EZH1: variants seen among roughly 807,000 people sequenced by gnomAD.
EZH1 encodes the protein histone-lysine N-methyltransferase EZH1.
A neutral mutation model predicts 100.5 loss-of-function variants in EZH1; 33 were observed. That is an observed-to-expected ratio of 0.33 (90% CI 0.25 to 0.44). The LOEUF is 0.44. EZH1 is among the 20% of genes least tolerant of loss of function. The pLI is 1.00. For synonymous variants in EZH1, 272 were observed against 313.8 expected, an observed-to-expected ratio of 0.87 and a Z score of 1.41; for missense variants, 475 against 928.4, an observed-to-expected ratio of 0.51 and a Z score of 6.35.
Position 42,708,762 on chromosome 17 carries a change from G to A in EZH1, c.1534+114C>T, listed in dbSNP as rs180779513. 133 of 1,125,490 alleles carry A rather than the reference G, an allele frequency of 1.2e-4. No homozygotes were observed. The East Asian group carries it at 2.5e-3, about 21-fold the overall frequency. The allele number at this position is 1,125,490 out of a possible 1,614,324, so 69.7% of individuals were successfully genotyped here. On this transcript the variant is annotated intron_variant, in intron 14 of 20. Transcript: ENST00000428826. The stretch of plus-strand genomic sequence containing the variant: ...GTTCTCAGTTGCTGCAGAGAATTCT[G>A]CAATCTGCGGAAGTGGCACAGGGTC...
chr17:42,724,173 C>T, intron 5 of EZH1, 132 bp downstream of exon 5: 1 of 1,009,574 alleles, frequency 9.9e-7, no homozygotes, highest in Non-Finnish European at 1.4e-6. Flanking sequence ...AAGTAAATTA[C>T]AACCTTGTTC....
intron 6 of EZH1, among the ~76,000 whole-genome samples, chr17:42,721,848 A>G (rs2143801870): frequency 6.6e-6 from 1 of 152,080 alleles, no homozygotes; most frequent in South Asian, 2.1e-4. Context: ...CATCTCTACA[A>G]AAAATTTTAA....
At chr17:42,707,301 C>T (rs2053376836) in intron 15 of EZH1, among the ~76,000 whole-genome samples, 1 of 151,990 alleles carries the variant, frequency 6.6e-6, no homozygotes, top group Non-Finnish European at 1.5e-5. Context: ...TGCTCTGTTG[C>T]CCAGGCTGGA....
chr17:42,709,625 T>A lies in EZH1; in HGVS notation c.1493+221A>T, dbSNP rs1317594163. ...AAGCTTAAATAGAAAAACAGACAGT[T>A]ATGGTCCACAGCACTGGGGGACAAG... On this transcript the variant is annotated intron_variant, in intron 13 of 20. Coordinates refer to ENST00000428826, the MANE Select transcript of EZH1 (RefSeq NM_001991.5). 9 of 485,038 alleles carry A rather than the reference T, an allele frequency of 1.9e-5. No individual in the cohort carries two copies. In the East Asian group the frequency reaches 3.0e-4, roughly 16 times the overall value. 30.0% of individuals were successfully genotyped at this position (485,038 alleles called of 1,614,324 possible).
At chr17:42,719,062 C>A (rs1209161619) in intron 8 of EZH1, 43 bp downstream of exon 8, 8 of 1,469,466 alleles carry the variant, frequency 5.4e-6, no homozygotes, top group Non-Finnish European at 6.6e-6. Context: ...AAGGTTTTGT[C>A]CGAGCACTCT....
intron 11 of EZH1, among the ~76,000 whole-genome samples, chr17:42,712,777 C>T (rs2053510306): frequency 6.6e-6 from 1 of 152,150 alleles, no homozygotes; most frequent in Non-Finnish European, 1.5e-5. Context: ...GTGGCTCACG[C>T]CTGTAATCCC....
intron 1 of EZH1, among the ~76,000 whole-genome samples, chr17:42,744,353 TTGGC>T (rs2054237047): frequency 6.6e-6 from 1 of 152,136 alleles, no homozygotes; most frequent in African/African-American, 2.4e-5. Context: ...TGAGCGATCA[TTGGC>T]GTGAGACCAA....
intron 11 of EZH1, among the ~76,000 whole-genome samples, chr17:42,712,858 C>T (rs1166340721): frequency 2.0e-5 from 3 of 152,030 alleles, no homozygotes; most frequent in African/African-American, 4.8e-5. Context: ...GCCAACATGG[C>T]GAAACCCCGT....
chr17:42,704,953 A>G (rs2053322259), intron 17 of EZH1, 135 bp downstream of exon 17: 1 of 750,146 alleles, frequency 1.3e-6, no homozygotes, highest in Non-Finnish European at 2.2e-6. Flanking sequence ...GTTCTGTGGG[A>G]TCTCCCCAAG....
rs1350309722 is a variant in EZH1, at chr17:42,719,163, A to C, written c.709T>G (p.Phe237Val). ...GGGAACATTGAGGCAATTGCACTGA[A>C]GATCATGTCATTTGGGAACTGTTTC... Reference protein sequence around the residue: ...SKKQFPNDMIFSAIASMFPEN... With the variant: ...SKKQFPNDMIVSAIASMFPEN... Residue 237 changes from phenylalanine to valine, a missense_variant, in exon 8 of 21, where the codon TTC becomes GTC. Phe to Val is a conservative substitution (Grantham distance 50). Around this residue, in one of 8 missense-constraint regions of EZH1, gnomAD observed 180 missense variants for 295.3 expected, o/e 0.61. Coordinates refer to ENST00000428826, the MANE Select transcript of EZH1 (RefSeq NM_001991.5). The C allele has an allele frequency of 6.2e-7, 1 of 1,614,060 alleles. No individual in the cohort carries two copies. Among genetic ancestry groups the C allele is most frequent in the South Asian group, 1.1e-5 (1 of 91,082 alleles).
At chr17:42,713,432 T>C (rs767126248) in intron 10 of EZH1, 43 bp from the exon 11 acceptor site, 1 of 1,540,566 alleles carries the variant, frequency 6.5e-7, no homozygotes, top group East Asian at 2.3e-5. Flanking sequence ...AACAGGCCCA[T>C]CACCATATTG....
intron 10 of EZH1, among the ~76,000 whole-genome samples, chr17:42,714,881 T>C (rs1597835376): frequency 7.3e-6 from 1 of 137,602 alleles, no homozygotes; most frequent in Non-Finnish European, 1.5e-5. Flanking sequence ...ATATATTATA[T>C]ATATAATATA....
intron 7 of EZH1, 149 bp from the exon 8 acceptor site, chr17:42,719,356 G>C: frequency 1.6e-6 from 1 of 636,994 alleles, no homozygotes; most frequent in Non-Finnish European, 2.8e-6. Context: ...ATAAACATCA[G>C]TGCTATCTGG....
intron 4 of EZH1, among the ~76,000 whole-genome samples, chr17:42,726,252 C>T (rs1429987454): frequency 6.9e-6 from 1 of 145,344 alleles, no homozygotes; most frequent in Non-Finnish European, 1.5e-5. Flanking sequence ...CTCGCTGTCG[C>T]CCAGGCTGGA....
At chr17:42,739,032 A>G (rs1775948130) in intron 1 of EZH1, among the ~76,000 whole-genome samples, 1 of 152,154 alleles carries the variant, frequency 6.6e-6, no homozygotes, top group Non-Finnish European at 1.5e-5. Context: ...CTGGGATTAC[A>G]GGCGTGAGCT....
chr17:42,704,574 C>T lies in EZH1; in HGVS notation c.2017+28G>A, dbSNP rs201877560. On this transcript the variant is annotated intron_variant, in intron 18 of 20. Coordinates refer to ENST00000428826, the MANE Select transcript of EZH1 (RefSeq NM_001991.5). ...AAAAAAGAAAAAAAAAAAAGACCAC[C>T]TTGGGATGAGACAAAGTGACTTCAT... is the stretch of plus-strand genomic sequence containing the variant. The T allele has an allele frequency of 7.0e-6, 11 of 1,575,178 alleles. No homozygotes were observed. The African/African-American group carries it at 1.2e-4, about 18-fold the overall frequency.
chr17:42,703,697 G>C (rs956677043), intron 19 of EZH1, 43 bp downstream of exon 19: 1 of 1,346,644 alleles, frequency 7.4e-7, no homozygotes, highest in African/African-American at 1.4e-5. Context: ...ACAGTAAAGA[G>C]GCATCCATCC....
At chr17:42,709,978 G>A in intron 12 of EZH1, 41 bp from the exon 13 acceptor site, 1 of 1,595,782 alleles carries the variant, frequency 6.3e-7, no homozygotes, top group Non-Finnish European at 8.6e-7. Context: ...CCTCGAGCAA[G>A]GGGGTCAGGT....
rs2053232987 is a variant in EZH1 at position 42,701,202 on chromosome 17, C to T, written c.*1330G>A. 6.5e-6 allele frequency: 1 copy of T among 152,808 alleles called. No homozygotes were observed. The highest frequency in any genetic ancestry group is 2.4e-5 in the African/African-American group (1 of 41,452). The allele number at this position is 152,808 out of a possible 1,614,324, so 9.5% of individuals were successfully genotyped here. A position where few individuals can be genotyped will look rare whatever the true frequency, so the allele number is the denominator to read the frequency against. ...CAGGACTGGAGGAGAATCTCCCACC[C>T]TCTCTTCTTCCCCCTCCCTCAGGAG... On this transcript the variant is annotated 3_prime_UTR_variant, in exon 21 of 21. Transcript: ENST00000428826.
Sources: allele counts gnomAD v4.1 joint callset (sites outside exome capture counted in the v4.1 genomes callset), GRCh38; gene constraint gnomAD v4.1.1; regional missense constraint gnomAD v4.1.1; transcripts MANE v1.5; gene names NCBI Gene and HGNC (gene_info 2026-07-23, HGNC 2026-07-21).